CTR9: variants seen among roughly 807,000 people sequenced by gnomAD.
CTR9 encodes CTR9 component of Paf1/RNA polymerase II complex.
Under a neutral mutation model 152.1 loss-of-function variants are expected in CTR9, and 41 were observed. The observed-to-expected ratio is 0.27, with a 90% CI of 0.21 to 0.35. CTR9 has a LOEUF of 0.35. Ranked by LOEUF, CTR9 falls within the 10% of genes least tolerant of loss-of-function variation. CTR9 has a pLI of 1.00. For missense variants in CTR9, 917 were observed against 1,424.4 expected (o/e 0.64, Z 5.73); for synonymous variants, 476 against 496.2 (o/e 0.96, Z 0.54).
intron 2 of CTR9, among the ~76,000 whole-genome samples, chr11:10,753,846 G>T (rs1862842869): frequency 6.6e-6 from 1 of 151,958 alleles, no homozygotes; most frequent in Non-Finnish European, 1.5e-5. Flanking sequence ...GTAGGCTTTG[G>T]GGTTAGATCA....
At chr11:10,753,705 A>T (rs544258907) in intron 2 of CTR9, among the ~76,000 whole-genome samples, 177 of 148,706 alleles carry the variant, frequency 1.2e-3, no homozygotes, top group South Asian at 2.9e-3. Context: ...ATATATATAT[A>T]TTTTTAAGTA....
At chr11:10,763,365 A>G (rs918199875) in intron 7 of CTR9, 66 bp from the exon 8 acceptor site, 15 of 1,061,494 alleles carry the variant, frequency 1.4e-5, no homozygotes, top group Non-Finnish European at 2.0e-5. Context: ...GTGTTAGTCT[A>G]AGATAAAACA....
At chr11:10,769,395 GGAAAA>G (rs1863107979) in intron 16 of CTR9, among the ~76,000 whole-genome samples, 1 of 152,068 alleles carries the variant, frequency 6.6e-6, no homozygotes, top group African/African-American at 2.4e-5. Flanking sequence ...TGGTCAGAAA[GGAAAA>G]GCTTACAAAA....
chr11:10,762,107 G>A (rs774743339), intron 7 of CTR9, 53 bp downstream of exon 7: 2 of 1,007,130 alleles, frequency 2.0e-6, no homozygotes, highest in African/African-American at 1.7e-5. Flanking sequence ...TACTGCAATT[G>A]ATATTTTATT....
At chr11:10,771,805 A>G (rs1259240024) in intron 19 of CTR9, among the ~76,000 whole-genome samples, 189 bp downstream of exon 19, 1 of 152,172 alleles carries the variant, frequency 6.6e-6, no homozygotes, top group African/African-American at 2.4e-5. Flanking sequence ...TTGCCTTAGT[A>G]CAAGTACTTG....
Position 10,768,420 on chromosome 11 carries a change from A to G in CTR9, c.2038A>G (p.Ile680Val). ...CCAAGTAAGAGAAGCAACAGCAGAT[A>G]TTAGTGATGTGTGGCTGAACTTAGC... is the stretch of plus-strand genomic sequence containing the variant. ...FAQVREATAD[I>V]SDVWLNLAHI... Residue 680 changes from isoleucine to valine, a missense_variant, in exon 16 of 25, where the codon ATT becomes GTT. Coordinates refer to ENST00000361367, the MANE Select transcript of CTR9 (RefSeq NM_014633.5). 1 of 1,614,136 alleles carries G rather than the reference A, an allele frequency of 6.2e-7. No homozygotes were observed. Among genetic ancestry groups the G allele is most frequent in the African/African-American group, 1.3e-5 (1 of 75,060 alleles).
At chr11:10,763,909 T>C (rs770832090) in intron 9 of CTR9, 30 bp downstream of exon 9, 1 of 1,532,450 alleles carries the variant, frequency 6.5e-7, no homozygotes, top group Non-Finnish European at 8.9e-7. Flanking sequence ...TCTTAGCTGT[T>C]TTCTGTTAGC....
At chr11:10,758,693 A>T (rs1234890741) in intron 5 of CTR9, among the ~76,000 whole-genome samples, 1 of 152,226 alleles carries the variant, frequency 6.6e-6, no homozygotes, top group Non-Finnish European at 1.5e-5. Context: ...GTCACGTGGC[A>T]TGCAGTTGCA....
At position 10,767,658 on chromosome 11, in the gene CTR9, CAAA is replaced by C. The variant is rs201006625; in HGVS notation, c.1687-139_1687-137del. 7 of 580,204 alleles carry C rather than the reference CAAA, an allele frequency of 1.2e-5. No homozygotes were observed. Among genetic ancestry groups the C allele is most frequent in the South Asian group, 7.4e-5 (3 of 40,618 alleles). The allele number at this position is 580,204 out of a possible 1,614,324, so 35.9% of individuals were successfully genotyped here. ...AGTTCGATAAATTTGGATTGCCATGCAAAAAAAAAAAGAAAGAAAGAAAAGAAA... is the reference window on the plus strand; with the variant it reads ...AGTTCGATAAATTTGGATTGCCATGCAAAAAAAAGAAAGAAAGAAAAGAAA... On this transcript the variant is annotated intron_variant, in intron 13 of 24. Coordinates refer to ENST00000361367, the MANE Select transcript of CTR9 (RefSeq NM_014633.5). The surrounding 1 kb of genome is among the most constrained non-coding windows in gnomAD (Gnocchi z 4.0).
Position 10,767,791 on chromosome 11 carries a change from G to A in CTR9, c.1687-15G>A. 6.2e-7 allele frequency: 1 copy of A among 1,613,004 alleles called. No homozygotes were observed. The highest frequency in any genetic ancestry group is 8.5e-7 in the Non-Finnish European group (1 of 1,179,218). On this transcript the variant is annotated splice_polypyrimidine_tract_variant and intron_variant, in intron 13 of 24. Coordinates refer to ENST00000361367, the MANE Select transcript of CTR9 (RefSeq NM_014633.5). This position sits in a 1 kb window ranked among gnomAD's most constrained non-coding sequence, Gnocchi z 4.0. ...TAAACTGCAGATTTTCCTTCTTCAT[G>A]TATGTATGTTTCAGGATCATCCAGA...
At chr11:10,752,060 T>C (rs1252548629) in intron 1 of CTR9, among the ~76,000 whole-genome samples, 2 of 152,258 alleles carry the variant, frequency 1.3e-5, no homozygotes, top group African/African-American at 2.4e-5. Flanking sequence ...GCTCTCAGCT[T>C]TGATGTTCAG....
rs1053917450 is a variant in CTR9 at position 10,773,855 on chromosome 11, C to T, written c.2728-157C>T. On this transcript the variant is annotated intron_variant, in intron 21 of 24. Transcript: ENST00000361367. The stretch of plus-strand genomic sequence containing the variant: ...AGCCGAGATTGCCCCACTGCACTCT[C>T]GCCTGGGCAAAAGAGTGAGACTTCA... 1.6e-4 allele frequency among the ~76,000 whole-genome samples: 24 copies of T among 145,808 alleles called. 1 individual carries two copies. Among genetic ancestry groups the T allele is most frequent in the African/African-American group, 3.8e-4 (15 of 39,280 alleles).
At position 10,770,522 on chromosome 11, in the gene CTR9, G is replaced by A. The variant is rs754765292; in HGVS notation, c.2262G>A (p.Met754Ile). 6.2e-7 allele frequency: 1 copy of A among 1,613,916 alleles called. No individual in the cohort carries two copies. Among genetic ancestry groups the A allele is most frequent in the Non-Finnish European group, 8.5e-7 (1 of 1,179,954 alleles). Residue 754 changes from methionine (M) to isoleucine (I), a missense_variant, in exon 18 of 25, where the codon ATG becomes ATA. Transcript: ENST00000361367. ...RHVAPSDTVL[M>I]FNVALVLQRL... ...TGGCACCCAGTGATACAGTTCTTAT[G>A]TTTAATGTGGCCTTGGTCCTGCAAA... is the stretch of plus-strand genomic sequence containing the variant.
Position 10,778,844 on chromosome 11 carries a change from T to A in CTR9, c.3261T>A (p.Ser1087Arg). Residue 1087 changes from serine to arginine, a missense_variant, in exon 25 of 25, where the codon AGT becomes AGA. Ser to Arg is a moderately radical substitution (Grantham distance 110). Coordinates refer to ENST00000361367, the MANE Select transcript of CTR9 (RefSeq NM_014633.5). ...RRQRSDQDSD[S>R]DQPSRKRRPS... The stretch of plus-strand genomic sequence containing the variant: ...AGCGGTCAGATCAGGACTCAGACAG[T>A]GACCAGCCATCCAGAAAGAGAAGGC... 1.2e-6 allele frequency: 2 copies of A among 1,614,190 alleles called. No individual in the cohort carries two copies. Among genetic ancestry groups the A allele is most frequent in the Non-Finnish European group, 1.7e-6 (2 of 1,180,032 alleles).
chr11:10,768,382 G>A lies in CTR9; in HGVS notation c.2000G>A (p.Arg667His), dbSNP rs753928657. The change falls in exon 16 of 25, where the codon CGT (arginine) becomes CAT (histidine). Residue 667 changes from arginine (R) to histidine (H), a missense_variant. Arg to His is a conservative substitution (Grantham distance 29). Transcript: ENST00000361367. ...LAHKGYFREA[R>H]DVFAQVREAT... Reference sequence around the variant, plus strand: ...CACAAAGGATATTTTCGTGAAGCTCGTGATGTATTTGCCCAAGTAAGAGAA... The same window carrying A: ...CACAAAGGATATTTTCGTGAAGCTCATGATGTATTTGCCCAAGTAAGAGAA... 5 of 1,613,956 alleles carry A rather than the reference G, an allele frequency of 3.1e-6. No homozygotes were observed. Among genetic ancestry groups the A allele is most frequent in the South Asian group, 1.1e-5 (1 of 91,072 alleles).
intron 5 of CTR9, among the ~76,000 whole-genome samples, chr11:10,759,826 A>G (rs562133779): frequency 6.6e-6 from 1 of 152,296 alleles, no homozygotes; most frequent in East Asian, 1.9e-4. Flanking sequence ...CATATTATTT[A>G]AGGTCTTAGT....
rs1278302514 is a variant in CTR9 at position 10,767,735 on chromosome 11, A to G, written c.1687-71A>G. ...TTGTAAACCTCTTCAGTAATCAGCT[A>G]TTGTGGGAAGATGATTGATCTCTGT... On this transcript the variant is annotated intron_variant, in intron 13 of 24. Transcript: ENST00000361367. The surrounding 1 kb of genome is among the most constrained non-coding windows in gnomAD (Gnocchi z 4.0). The G allele has an allele frequency of 1.1e-5, 14 of 1,284,120 alleles. No homozygotes were observed. The highest frequency in any genetic ancestry group is 2.3e-5 in the East Asian group (1 of 43,290). 79.5% of individuals were successfully genotyped at this position (1,284,120 alleles called of 1,614,324 possible).
At chr11:10,773,927 G>T (rs546315622) in intron 21 of CTR9, 85 bp from the exon 22 acceptor site, 1 of 817,508 alleles carries the variant, frequency 1.2e-6, no homozygotes, top group Non-Finnish European at 1.9e-6. Context: ...AATGACAATG[G>T]ATATGGCCCC....
intron 1 of CTR9, among the ~76,000 whole-genome samples, chr11:10,752,456 T>A (rs1002898180): frequency 2.6e-5 from 4 of 152,238 alleles, no homozygotes; most frequent in Admixed American, 2.6e-4. Flanking sequence ...TGGGGACAAG[T>A]AGCAGGGTTT....
Sources: allele counts gnomAD v4.1 joint callset (sites outside exome capture counted in the v4.1 genomes callset), GRCh38; gene constraint gnomAD v4.1.1; non-coding constraint Gnocchi (gnomAD v3.1); transcripts MANE v1.5; gene names NCBI Gene and HGNC (gene_info 2026-07-23, HGNC 2026-07-21).